The following CDKAL1 variants were observed in gnomAD, a reference collection of about 807,000 sequenced individuals.
CDKAL1 encodes CDKAL1 threonylcarbamoyladenosine tRNA methylthiotransferase, also known as threonylcarbamoyladenosine tRNA methylthiotransferase.
Under a neutral mutation model 68.2 loss-of-function variants are expected in CDKAL1, and 32 were observed. The observed-to-expected ratio is 0.47, with a 90% CI of 0.35 to 0.63. The LOEUF (loss-of-function observed/expected upper bound fraction) is 0.63. Among genes scored for constraint, CDKAL1 ranks in the 30% least tolerant of loss-of-function variants. The probability of loss-of-function intolerance (pLI) is 0.00; values close to 1 mark genes in which losing one functional copy is unlikely to be tolerated. For missense variants in CDKAL1, 606 were observed against 696.7 expected, an observed-to-expected ratio of 0.87 and a Z score of 1.47; for synonymous variants, 234 against 244.3, an observed-to-expected ratio of 0.96 and a Z score of 0.39.
chr6:20,886,482 C>T (rs1246628802), intron 9 of CDKAL1, among the ~76,000 whole-genome samples: 1 of 152,172 alleles, frequency 6.6e-6, no homozygotes, highest in Non-Finnish European at 1.5e-5. Context: ...AAGGTGGAAA[C>T]AACCCAAATG....
chr6:20,902,922 C>T (rs1328863174), intron 9 of CDKAL1, among the ~76,000 whole-genome samples: 1 of 152,054 alleles, frequency 6.6e-6, no homozygotes, highest in African/African-American at 2.4e-5. Context: ...TAGAGCTTTT[C>T]CCATAAGTAG....
chr6:20,627,347 C>T (rs1396275392), intron 4 of CDKAL1, among the ~76,000 whole-genome samples: 1 of 152,056 alleles, frequency 6.6e-6, no homozygotes, highest in Non-Finnish European at 1.5e-5. Flanking sequence ...AGTCATTGGT[C>T]CACAAATATA....
chr6:21,079,917 ATCTT>A (rs1218643874), intron 12 of CDKAL1, among the ~76,000 whole-genome samples: 1 of 146,528 alleles, frequency 6.8e-6, no homozygotes, highest in Non-Finnish European at 1.5e-5. Context: ...TGGCCTCTTT[ATCTT>A]TCTTTTTGTT....
intron 4 of CDKAL1, among the ~76,000 whole-genome samples, chr6:20,595,626 T>G (rs899583021): frequency 2.6e-5 from 4 of 152,114 alleles, no homozygotes; most frequent in Non-Finnish European, 4.4e-5. Flanking sequence ...ACATGCTCCT[T>G]TAGCTCATAG....
chr6:20,568,615 G>C (rs1764562036), intron 4 of CDKAL1, among the ~76,000 whole-genome samples: 1 of 151,562 alleles, frequency 6.6e-6, no homozygotes, highest in Non-Finnish European at 1.5e-5. Context: ...GGCGCCTGTA[G>C]TCCCAGCTGC....
intron 9 of CDKAL1, among the ~76,000 whole-genome samples, chr6:20,867,777 CA>C (rs1227044736): frequency 6.6e-6 from 1 of 152,168 alleles, no homozygotes. Context: ...CTTATTTCAG[CA>C]GTATCTTTGT....
chr6:20,644,726 A>G (rs891000287), intron 4 of CDKAL1, among the ~76,000 whole-genome samples: 1 of 152,202 alleles, frequency 6.6e-6, no homozygotes, highest in Non-Finnish European at 1.5e-5. Context: ...TTCAGCGGGA[A>G]AGGAATATTT....
chr6:20,679,503 C>G (rs1770277822), intron 5 of CDKAL1, among the ~76,000 whole-genome samples: 1 of 152,152 alleles, frequency 6.6e-6, no homozygotes, highest in Admixed American at 6.5e-5. Context: ...TAGCAATGAG[C>G]TCATTATCAG....
At chr6:21,178,671 G>A (rs1777677680) in intron 13 of CDKAL1, among the ~76,000 whole-genome samples, 1 of 152,174 alleles carries the variant, frequency 6.6e-6, no homozygotes, top group African/African-American at 2.4e-5. Flanking sequence ...TTAGTCTCTT[G>A]TACCACATGG....
intron 12 of CDKAL1, among the ~76,000 whole-genome samples, chr6:21,073,080 T>C (rs972928900): frequency 6.6e-6 from 1 of 152,194 alleles, no homozygotes; most frequent in East Asian, 1.9e-4. Context: ...ACATGGAGTG[T>C]GTAGACTTTT....
At chr6:20,536,102 CTTTTT>C (rs34025398) in intron 2 of CDKAL1, among the ~76,000 whole-genome samples, 1 of 138,204 alleles carries the variant, frequency 7.2e-6, no homozygotes, top group African/African-American at 2.7e-5. Flanking sequence ...CTAAATTTTA[CTTTTT>C]TTTTTTTTTT....
chr6:20,716,533 A>C (rs1772103017), intron 5 of CDKAL1, among the ~76,000 whole-genome samples: 1 of 144,306 alleles, frequency 6.9e-6, no homozygotes, highest in South Asian at 2.2e-4. Context: ...AGATTGTGCA[A>C]ATGAAAAGAA....
intron 6 of CDKAL1, 108 bp downstream of exon 6, chr6:20,739,723 T>TA: frequency 1.7e-6 from 1 of 582,550 alleles, no homozygotes; most frequent in Non-Finnish European, 3.0e-6. Context: ...ATGTTACACT[T>TA]ATGGCTGTCC....
At chr6:20,971,962 G>A (rs1765623772) in intron 10 of CDKAL1, among the ~76,000 whole-genome samples, 1 of 151,876 alleles carries the variant, frequency 6.6e-6, no homozygotes, top group African/African-American at 2.4e-5. Context: ...CTGATATTTG[G>A]TGTGAAATAA....
chr6:20,967,698 A>C (rs78024114), intron 10 of CDKAL1, among the ~76,000 whole-genome samples: 2,923 of 152,296 alleles, frequency 0.019, 92 homozygotes, highest in African/African-American at 0.066. Flanking sequence ...ATGCAGTTAC[A>C]TTTACTGCTG....
chr6:20,546,853 C>T (rs544682627), intron 3 of CDKAL1, among the ~76,000 whole-genome samples: 17 of 152,080 alleles, frequency 1.1e-4, no homozygotes, highest in African/African-American at 2.2e-4. Context: ...TGAGCACGGC[C>T]GAAATTATAT....
intron 4 of CDKAL1, among the ~76,000 whole-genome samples, chr6:20,588,178 A>G (rs1765452714): frequency 1.3e-5 from 2 of 152,184 alleles, no homozygotes. Flanking sequence ...TGATGGGTTT[A>G]ATACTTGTTA....
intron 9 of CDKAL1, among the ~76,000 whole-genome samples, chr6:20,864,444 G>T (rs1759799530): frequency 6.6e-6 from 1 of 152,038 alleles, no homozygotes; most frequent in African/African-American, 2.4e-5. Flanking sequence ...CATTTGTCAA[G>T]TGCCTATTAA....
At chr6:21,184,634 C>A (rs1280961948) in intron 13 of CDKAL1, among the ~76,000 whole-genome samples, 1 of 152,002 alleles carries the variant, frequency 6.6e-6, no homozygotes, top group Non-Finnish European at 1.5e-5. Flanking sequence ...AGGCCTCCAG[C>A]CAATGCTTTT....
Sources: allele counts gnomAD v4.1 joint callset (sites outside exome capture counted in the v4.1 genomes callset), GRCh38; gene constraint gnomAD v4.1.1; transcripts MANE v1.5; gene names NCBI Gene and HGNC (gene_info 2026-07-23, HGNC 2026-07-21).